Variants in CSMD1 observed in about 807,000 individuals in gnomAD.
CSMD1 encodes CUB and sushi domain-containing protein 1.
A neutral mutation model predicts 417.5 loss-of-function variants in CSMD1; 213 were observed. The ratio of observed to expected loss-of-function variants is 0.51; its 90% confidence interval spans 0.46 to 0.57. The LOEUF (loss-of-function observed/expected upper bound fraction) is 0.57. CSMD1 is among the 20% of genes least tolerant of loss of function. CSMD1 has a pLI of 0.00. For synonymous variants in CSMD1, 2,862 were observed against 1,736.8 expected, an observed-to-expected ratio of 1.65 and a Z score of -16.11; for missense variants, 6,923 against 4,529.7, an observed-to-expected ratio of 1.53 and a Z score of -15.17.
At chr8:3,127,938 A>AG (rs1817595613) in intron 41 of CSMD1, 2 of 123,136 alleles carry the variant, frequency 1.6e-5, no homozygotes, top group African/African-American at 6.4e-5. Flanking sequence ...AAGGAAGGGA[A>AG]GGAAAGAAGG....
chr8:4,291,132 G>C (rs28632196), intron 3 of CSMD1, among the ~76,000 whole-genome samples: 2,381 of 152,000 alleles, frequency 0.016, 51 homozygotes, highest in African/African-American at 0.053. Context: ...ACAGGAATCT[G>C]AGTCTTAATA....
intron 50 of CSMD1, among the ~76,000 whole-genome samples, chr8:3,045,690 G>T (rs902130038): frequency 2.6e-5 from 4 of 152,134 alleles, no homozygotes; most frequent in Non-Finnish European, 4.4e-5. Context: ...TAAAAATCAT[G>T]AGAGCTAGTA....
At position 3,097,219 on chromosome 8, in the gene CSMD1, G is replaced by C. The variant is rs193141086; in HGVS notation, c.6950-182C>G. Among the ~76,000 whole-genome samples, 165 of 152,226 alleles carry C rather than the reference G, an allele frequency of 1.1e-3. 3 individuals are homozygous for C. The East Asian group carries it at 0.02, about 19-fold the overall frequency. On this transcript the variant is annotated intron_variant, in intron 46 of 69. Coordinates refer to ENST00000635120, the MANE Select transcript of CSMD1 (RefSeq NM_033225.6). ...GCAACATTGAATAATCATGAGAATT[G>C]TGCATCTTTCTCTTTGCAGTTCTCT...
chr8:3,038,457 A>G (rs1810843351), intron 50 of CSMD1, among the ~76,000 whole-genome samples: 2 of 152,220 alleles, frequency 1.3e-5, no homozygotes. Context: ...TGTAAAAGCA[A>G]TACACAGCAT....
intron 3 of CSMD1, among the ~76,000 whole-genome samples, chr8:4,354,375 C>T (rs536125887): frequency 6.6e-6 from 1 of 152,278 alleles, no homozygotes; most frequent in South Asian, 2.1e-4. Context: ...CAAACCTGGT[C>T]ATTTCGTAAC....
intron 68 of CSMD1, among the ~76,000 whole-genome samples, chr8:2,943,358 G>A (rs1352607967): frequency 6.6e-6 from 1 of 151,734 alleles, no homozygotes. Context: ...CTCCCAAGTA[G>A]CTGGGATGAC....
At chr8:4,128,869 C>T (rs553151981) in intron 3 of CSMD1, among the ~76,000 whole-genome samples, 20 of 152,078 alleles carry the variant, frequency 1.3e-4, no homozygotes, top group Middle Eastern at 3.4e-3. Context: ...TCTGTGCATG[C>T]GCTGTATCAT....
At chr8:3,079,206 T>C (rs180859854) in intron 49 of CSMD1, among the ~76,000 whole-genome samples, 3 of 152,304 alleles carry the variant, frequency 2.0e-5, no homozygotes, top group African/African-American at 7.2e-5. Context: ...TTTTACAATA[T>C]ACTTGATGGG....
At chr8:4,937,306 A>T (rs1321256486) in intron 1 of CSMD1, among the ~76,000 whole-genome samples, 1 of 152,166 alleles carries the variant, frequency 6.6e-6, no homozygotes, top group African/African-American at 2.4e-5. Context: ...ATATTCATGG[A>T]CTCTACAAGT....
chr8:4,024,453 C>G (rs4099546), intron 4 of CSMD1, among the ~76,000 whole-genome samples: 21,902 of 152,178 alleles, frequency 0.14, 1,818 homozygotes, highest in Admixed American at 0.21. Context: ...TGTTACTGAT[C>G]TTCAATGTTA....
intron 26 of CSMD1, among the ~76,000 whole-genome samples, chr8:3,231,520 T>A (rs1339778383): frequency 6.6e-6 from 1 of 152,188 alleles, no homozygotes; most frequent in East Asian, 1.9e-4. Flanking sequence ...CATATACATA[T>A]GTCTACATAT....
rs184036028 is a variant in CSMD1, at chr8:3,376,073, G to A, written c.2783-6703C>T. On this transcript the variant is annotated intron_variant, in intron 18 of 69. Transcript: ENST00000635120. ...ACTTCATTGTGTGATTTTTAAAAAT[G>A]TCTTTCCTTTTGCTATGCTGATAGA... 1.7e-3 allele frequency among the ~76,000 whole-genome samples: 257 copies of A among 152,160 alleles called. 2 individuals are homozygous for A. The highest frequency in any genetic ancestry group is 5.6e-3 in the African/African-American group (233 of 41,524).
chr8:4,028,522 C>G (rs1000309100), intron 4 of CSMD1, among the ~76,000 whole-genome samples: 7 of 151,790 alleles, frequency 4.6e-5, no homozygotes, highest in African/African-American at 1.7e-4. Flanking sequence ...AAAAAATAGG[C>G]AAATATGCAA....
At chr8:3,026,375 C>T (rs1047374703) in intron 51 of CSMD1, among the ~76,000 whole-genome samples, 4 of 152,066 alleles carry the variant, frequency 2.6e-5, no homozygotes, top group Admixed American at 6.6e-5. Flanking sequence ...CCTCACTGGA[C>T]CTCACTGGAC....
At chr8:3,152,579 G>A (rs770467757) in intron 39 of CSMD1, among the ~76,000 whole-genome samples, 48 of 152,230 alleles carry the variant, frequency 3.2e-4, no homozygotes, top group Admixed American at 7.2e-4. Context: ...TAAAACTTAA[G>A]TCTAGTGAAT....
At chr8:3,558,654 C>T (rs926929339) in intron 10 of CSMD1, among the ~76,000 whole-genome samples, 15 of 149,246 alleles carry the variant, frequency 1.0e-4, no homozygotes, top group South Asian at 6.4e-4. Context: ...CGTGTCCACT[C>T]CTCCAATGAT....
intron 46 of CSMD1, among the ~76,000 whole-genome samples, chr8:3,104,350 CTT>C (rs1419373203): frequency 6.6e-6 from 1 of 152,170 alleles, no homozygotes; most frequent in East Asian, 1.9e-4. Flanking sequence ...GATCTCCTGA[CTT>C]TGCACCCAAT....
chr8:4,546,535 C>T (rs78049052), intron 2 of CSMD1, among the ~76,000 whole-genome samples: 2,462 of 152,246 alleles, frequency 0.016, 71 homozygotes, highest in African/African-American at 0.057. Context: ...GCTGGGACCT[C>T]CATCTTCTCC....
At chr8:3,790,558 T>G (rs1052711668) in intron 5 of CSMD1, among the ~76,000 whole-genome samples, 1 of 152,192 alleles carries the variant, frequency 6.6e-6, no homozygotes, top group African/African-American at 2.4e-5. Flanking sequence ...CTTAGACAAC[T>G]AGGAACAATC....
Sources: allele counts gnomAD v4.1 joint callset (sites outside exome capture counted in the v4.1 genomes callset), GRCh38; gene constraint gnomAD v4.1.1; transcripts MANE v1.5; gene names NCBI Gene and HGNC (gene_info 2026-07-23, HGNC 2026-07-21).